Variants in DOCK4 observed in about 807,000 individuals in gnomAD.
DOCK4 encodes the protein dedicator of cytokinesis protein 4.
Under a neutral mutation model 268.1 loss-of-function variants are expected in DOCK4, and 97 were observed. The ratio of observed to expected loss-of-function variants is 0.36; its 90% confidence interval spans 0.31 to 0.43. DOCK4 has a LOEUF of 0.43. Among genes scored for constraint, DOCK4 ranks in the 20% least tolerant of loss-of-function variants. The pLI is 1.00. For synonymous variants in DOCK4, 954 were observed against 887.2 expected (o/e 1.08, Z -1.34); for missense variants, 2,145 against 2,455.7 (o/e 0.87, Z 2.67).
chr7:111,739,493 G>A lies in DOCK4; in HGVS notation c.5041-16C>T. ...ATGGACTTGGCTGGAAACACACAGG[G>A]AGCTATTATCATACCCTGATTAAAG... is the stretch of plus-strand genomic sequence containing the variant. On this transcript the variant is annotated splice_polypyrimidine_tract_variant and intron_variant, in intron 47 of 52. Transcript: ENST00000428084. 6.4e-7 allele frequency: 1 copy of A among 1,555,602 alleles called. No individual in the cohort carries two copies. Among genetic ancestry groups the A allele is most frequent in the Non-Finnish European group, 8.7e-7 (1 of 1,148,562 alleles).
chr7:111,965,412 T>A (rs1365649218), intron 8 of DOCK4, among the ~76,000 whole-genome samples: 1 of 36,928 alleles, frequency 2.7e-5, no homozygotes, highest in East Asian at 1.1e-3. Context: ...AATCCTAGTC[T>A]CGGATAAAAC....
At chr7:112,196,578 T>C (rs1187821434) in intron 1 of DOCK4, among the ~76,000 whole-genome samples, 1 of 152,188 alleles carries the variant, frequency 6.6e-6, no homozygotes, top group Non-Finnish European at 1.5e-5. Context: ...GGATTACAGA[T>C]GCTTCCGGCA....
At chr7:112,030,816 G>T (rs1257126478) in intron 1 of DOCK4, among the ~76,000 whole-genome samples, 2 of 152,176 alleles carry the variant, frequency 1.3e-5, no homozygotes, top group African/African-American at 4.8e-5. Context: ...CAGCTCCTCA[G>T]ATTTCTCAGT....
intron 1 of DOCK4, among the ~76,000 whole-genome samples, chr7:112,140,651 C>G (rs1386618076): frequency 6.8e-6 from 1 of 147,338 alleles, no homozygotes; most frequent in East Asian, 2.0e-4. Context: ...AATAATCTTA[C>G]CTGATGCATT....
At chr7:111,997,568 G>T (rs535130550) in intron 4 of DOCK4, among the ~76,000 whole-genome samples, 1 of 152,118 alleles carries the variant, frequency 6.6e-6, no homozygotes, top group Non-Finnish European at 1.5e-5. Flanking sequence ...GAATAGCCTC[G>T]TTGGAACTTT....
intron 46 of DOCK4, 43 bp from the exon 47 acceptor site, chr7:111,741,257 A>G: frequency 1.2e-6 from 2 of 1,609,020 alleles, no homozygotes; most frequent in Non-Finnish European, 8.5e-7. Flanking sequence ...CAGTCTCCAA[A>G]TTGTACTTTA....
Position 111,992,349 on chromosome 7 carries a change from T to C in DOCK4, c.315+1786A>G, listed in dbSNP as rs114329959. On this transcript the variant is annotated intron_variant, in intron 5 of 52. Transcript: ENST00000428084. ...CTAAACACACTTGAGCATGAGGAAC[T>C]TGAACCAAAACATTTGGCACAAAAC... 8.5e-3 allele frequency among the ~76,000 whole-genome samples: 1,287 copies of C among 152,258 alleles called. 10 individuals are homozygous for C. The highest frequency in any genetic ancestry group is 0.024 in the Middle Eastern group (7 of 294).
chr7:112,057,402 A>C (rs1488884573), intron 1 of DOCK4, among the ~76,000 whole-genome samples: 1 of 151,904 alleles, frequency 6.6e-6, no homozygotes, highest in African/African-American at 2.4e-5. Context: ...AATACAAAAA[A>C]TTAGCGAGGC....
intron 1 of DOCK4, among the ~76,000 whole-genome samples, chr7:112,005,100 T>G (rs1800749089): frequency 6.6e-6 from 1 of 152,050 alleles, no homozygotes; most frequent in Non-Finnish European, 1.5e-5. Context: ...CACACTGAAA[T>G]CAACTAACAA....
intron 35 of DOCK4, among the ~76,000 whole-genome samples, chr7:111,781,286 G>A (rs3801777): frequency 6.6e-6 from 1 of 152,130 alleles, no homozygotes; most frequent in African/African-American, 2.4e-5. Flanking sequence ...AAGACCTAAA[G>A]CTTATCAAGC....
chr7:111,832,457 T>C (rs148565962), intron 26 of DOCK4, among the ~76,000 whole-genome samples: 97 of 152,310 alleles, frequency 6.4e-4, no homozygotes, highest in Admixed American at 1.2e-3. Flanking sequence ...ATGCTTGAGT[T>C]GCTCAATATC....
intron 44 of DOCK4, among the ~76,000 whole-genome samples, chr7:111,743,778 GC>G (rs1217695732): frequency 6.6e-6 from 1 of 152,174 alleles, no homozygotes; most frequent in Non-Finnish European, 1.5e-5. Flanking sequence ...GTCAGCTACT[GC>G]CAAACCCAAG....
chr7:111,742,616 T>G (rs1387937404), intron 44 of DOCK4, among the ~76,000 whole-genome samples: 3 of 152,174 alleles, frequency 2.0e-5, no homozygotes, highest in Non-Finnish European at 4.4e-5. Context: ...TCCCACAGAC[T>G]TTCAGAATCT....
chr7:111,962,477 G>A (rs1796995298), intron 8 of DOCK4, among the ~76,000 whole-genome samples: 1 of 152,106 alleles, frequency 6.6e-6, no homozygotes, highest in Non-Finnish European at 1.5e-5. Flanking sequence ...AACTGATGTA[G>A]CTACTAAATG....
intron 3 of DOCK4, among the ~76,000 whole-genome samples, chr7:111,998,919 C>T (rs1800193551): frequency 1.3e-5 from 2 of 151,912 alleles, no homozygotes; most frequent in Non-Finnish European, 1.5e-5. Context: ...TCATATTTCT[C>T]TTGAAAATAT....
intron 26 of DOCK4, among the ~76,000 whole-genome samples, chr7:111,834,333 T>A (rs143531637): frequency 7.1e-4 from 108 of 152,322 alleles, no homozygotes; most frequent in African/African-American, 2.4e-3. Context: ...TGCTTCTAGT[T>A]TATTGAACTT....
chr7:112,189,129 T>C (rs1819704714), intron 1 of DOCK4, among the ~76,000 whole-genome samples: 1 of 152,222 alleles, frequency 6.6e-6, no homozygotes, highest in Non-Finnish European at 1.5e-5. Flanking sequence ...TTGTAGTCTA[T>C]TTCTTCAGCA....
At chr7:112,136,913 G>T (rs190942395) in intron 1 of DOCK4, among the ~76,000 whole-genome samples, 3 of 152,256 alleles carry the variant, frequency 2.0e-5, no homozygotes, top group Admixed American at 6.5e-5. Context: ...AAAGCAAAAT[G>T]GTATTCAGCT....
In DOCK4 at chr7:112,150,620, G is replaced by A. The variant is rs376496274; in HGVS notation, c.37+55482C>T. ...CTAATACCATTCACAGATCTTCCCCGAGGTGGCTTCAACATCTGCTCAGCT... is the reference window on the plus strand; with the variant it reads ...CTAATACCATTCACAGATCTTCCCCAAGGTGGCTTCAACATCTGCTCAGCT... On this transcript the variant is annotated intron_variant, in intron 1 of 52. Coordinates refer to ENST00000428084, the MANE Select transcript of DOCK4 (RefSeq NM_001363540.2). Among the ~76,000 whole-genome samples, 6 of 152,010 alleles carry A rather than the reference G, an allele frequency of 3.9e-5. No individual in the cohort carries two copies. In the East Asian group the frequency reaches 7.7e-4, roughly 20 times the overall value.
Sources: allele counts gnomAD v4.1 joint callset (sites outside exome capture counted in the v4.1 genomes callset), GRCh38; gene constraint gnomAD v4.1.1; transcripts MANE v1.5; gene names NCBI Gene and HGNC (gene_info 2026-07-23, HGNC 2026-07-21).